The following SLC25A33 variants were observed in gnomAD, a reference collection of about 807,000 sequenced individuals.
The protein encoded by SLC25A33 is solute carrier family 25 member 33, also known as bone marrow stromal cell mitochondrial carrier protein.
SLC25A33 carries 15 observed loss-of-function variants against 35.5 expected under a neutral mutation model. The ratio of observed to expected loss-of-function variants is 0.42; its 90% CI spans 0.28 to 0.65. SLC25A33 has a LOEUF of 0.65. SLC25A33 is among the 30% of genes least tolerant of loss of function. The pLI, the probability that SLC25A33 is intolerant of heterozygous loss-of-function variation, is 0.20. For synonymous variants in SLC25A33, 136 were observed against 148.7 expected, an observed-to-expected ratio of 0.91 and a Z score of 0.62; for missense variants, 257 against 398.5, an observed-to-expected ratio of 0.64 and a Z score of 3.02.
chr1:9,551,120 C>T (rs755551620), intron 1 of SLC25A33, among the ~76,000 whole-genome samples: 2 of 152,068 alleles, frequency 1.3e-5, no homozygotes, highest in Admixed American at 6.6e-5. Context: ...GCGTGGCTCA[C>T]GCCTGTAATC....
At chr1:9,545,895 G>A (rs79315781) in intron 1 of SLC25A33, among the ~76,000 whole-genome samples, 22,472 of 151,168 alleles carry the variant, frequency 0.15, 1,767 homozygotes, top group East Asian at 0.28. Flanking sequence ...CCCGGGAGGC[G>A]GAGCTTGCAG....
At chr1:9,551,190 C>T (rs1643262427) in intron 1 of SLC25A33, among the ~76,000 whole-genome samples, 1 of 151,852 alleles carries the variant, frequency 6.6e-6, no homozygotes, top group Non-Finnish European at 1.5e-5. Flanking sequence ...GAAGACCAGC[C>T]TGGCCAACAT....
At chr1:9,564,348 A>G (rs555210603) in intron 2 of SLC25A33, among the ~76,000 whole-genome samples, 4 of 152,290 alleles carry the variant, frequency 2.6e-5, no homozygotes, top group South Asian at 2.1e-4. Context: ...TGTAACCACT[A>G]TAGAAAACAG....
rs1432159059 is a variant in SLC25A33, at chr1:9,539,495, C to G, written c.-197C>G. On this transcript the variant is annotated 5_prime_UTR_variant, in exon 1 of 7. Coordinates refer to ENST00000302692, the MANE Select transcript of SLC25A33 (RefSeq NM_032315.3). Reference sequence around the variant, plus strand: ...CCCGCCGGGCTCGCGCCGCAGAGGCCGGTGAGGCGCCGGCGGCCACGCCGC... The same window carrying G: ...CCCGCCGGGCTCGCGCCGCAGAGGCGGGTGAGGCGCCGGCGGCCACGCCGC... The G allele has an allele frequency of 1.8e-5, 4 of 219,022 alleles. No individual in the cohort carries two copies. Among genetic ancestry groups the G allele is most frequent in the African/African-American group, 4.7e-5 (2 of 42,806 alleles). The allele number at this position is 219,022 out of a possible 1,614,324, so 13.6% of individuals were successfully genotyped here.
chr1:9,540,979 A>G (rs1281648317), intron 1 of SLC25A33, among the ~76,000 whole-genome samples: 1 of 151,046 alleles, frequency 6.6e-6, no homozygotes, highest in East Asian at 1.9e-4. Context: ...GTCTCCATTG[A>G]GACTTCCTTT....
intron 2 of SLC25A33, among the ~76,000 whole-genome samples, chr1:9,558,245 G>A (rs1013482422): frequency 1.3e-5 from 2 of 152,180 alleles, no homozygotes; most frequent in Non-Finnish European, 2.9e-5. Flanking sequence ...GCTTCTCCGC[G>A]AAGGCAGCAG....
At chr1:9,581,763 C>T (rs1569883927) in intron 6 of SLC25A33, among the ~76,000 whole-genome samples, 1 of 151,048 alleles carries the variant, frequency 6.6e-6, no homozygotes, top group Non-Finnish European at 1.5e-5. Flanking sequence ...TTTGTACTTT[C>T]GTGTATGTGT....
intron 3 of SLC25A33, among the ~76,000 whole-genome samples, chr1:9,569,525 G>A (rs1287320958): frequency 6.6e-6 from 1 of 152,116 alleles, no homozygotes; most frequent in East Asian, 1.9e-4. Flanking sequence ...TCACCCATTA[G>A]GGGAAATGGA....
rs2100415576 is a variant in SLC25A33, at chr1:9,580,254, T to C, written c.763+20T>C. On this transcript the variant is annotated intron_variant, in intron 6 of 6. Transcript: ENST00000302692. ...CACACGGTATGTTTTGCTTTTGTTC[T>C]TCCAGAGCAGTAAAACAGCTGTCAC... 6.2e-7 allele frequency: 1 copy of C among 1,605,950 alleles called. No homozygotes were observed. The highest frequency in any genetic ancestry group is 1.1e-5 in the South Asian group (1 of 89,814).
chr1:9,557,752 C>T (rs1643366895), intron 2 of SLC25A33, among the ~76,000 whole-genome samples: 1 of 152,110 alleles, frequency 6.6e-6, no homozygotes, highest in Admixed American at 6.5e-5. Context: ...TAATAAAATG[C>T]AGGTGCTCTA....
At chr1:9,564,465 C>T (rs1643470677) in intron 2 of SLC25A33, among the ~76,000 whole-genome samples, 3 of 152,042 alleles carry the variant, frequency 2.0e-5, no homozygotes, top group Admixed American at 6.6e-5. Flanking sequence ...AATATTTGTA[C>T]ACCCATGTTT....
chr1:9,550,012 T>TATATATATATA (rs55887722), intron 1 of SLC25A33, among the ~76,000 whole-genome samples: 26 of 33,826 alleles, frequency 7.7e-4, no homozygotes, highest in African/African-American at 1.9e-3. Flanking sequence ...TATATATATA[T>TATATATATATA]TTTTTTTTTT....
chr1:9,564,156 A>T (rs1407229584), intron 2 of SLC25A33, among the ~76,000 whole-genome samples: 1 of 152,232 alleles, frequency 6.6e-6, no homozygotes, highest in African/African-American at 2.4e-5. Flanking sequence ...AATTTAACCA[A>T]CGTGAATAAC....
intron 3 of SLC25A33, 111 bp from the exon 4 acceptor site, chr1:9,570,147 C>A: frequency 1.1e-6 from 1 of 881,382 alleles, no homozygotes; most frequent in Non-Finnish European, 1.8e-6. Context: ...CTTTTTAGTA[C>A]ATGGCAGCAT....
chr1:9,540,872 T>C (rs1286157864), intron 1 of SLC25A33, among the ~76,000 whole-genome samples: 1 of 152,218 alleles, frequency 6.6e-6, no homozygotes, highest in Non-Finnish European at 1.5e-5. Context: ...GTCACCAGGT[T>C]ACTTTAACCA....
intron 2 of SLC25A33, 103 bp from the exon 3 acceptor site, chr1:9,567,181 A>T: frequency 1.0e-6 from 1 of 960,528 alleles, no homozygotes; most frequent in Non-Finnish European, 1.6e-6. Flanking sequence ...CATCTCTCAA[A>T]CATTTTATTC....
In SLC25A33 at chr1:9,573,517, C is replaced by T. The variant is rs574138982; in HGVS notation, c.482+105C>T. 5.5e-5 allele frequency: 50 copies of T among 905,390 alleles called. No homozygotes were observed. The African/African-American group carries it at 5.7e-4, about 10-fold the overall frequency. The allele number at this position is 905,390 out of a possible 1,614,324, so 56.1% of individuals were successfully genotyped here. On this transcript the variant is annotated intron_variant, in intron 5 of 6. Transcript: ENST00000302692. ...AGGATGAGATATAGAGATGTACCCCCCTCCTCGTTTCCTTAATCTAAGTGC... is the reference window on the plus strand; with the variant it reads ...AGGATGAGATATAGAGATGTACCCCTCTCCTCGTTTCCTTAATCTAAGTGC...
Position 9,551,738 on chromosome 1 carries a change from T to C in SLC25A33, c.57-1888T>C, listed in dbSNP as rs369668692. Among the ~76,000 whole-genome samples, 44 of 152,314 alleles carry C rather than the reference T, an allele frequency of 2.9e-4. 1 individual carries two copies. In the East Asian group the frequency reaches 7.5e-3, roughly 26 times the overall value. Reference sequence around the variant, plus strand: ...TTAGAAACCTTGGAAGACATTTTCGTTGAAATCTCAATTGAATAATTCCTT... The same window carrying C: ...TTAGAAACCTTGGAAGACATTTTCGCTGAAATCTCAATTGAATAATTCCTT... On this transcript the variant is annotated intron_variant, in intron 1 of 6. Coordinates refer to ENST00000302692, the MANE Select transcript of SLC25A33 (RefSeq NM_032315.3).
intron 1 of SLC25A33, among the ~76,000 whole-genome samples, chr1:9,547,986 G>C (rs1431276759): frequency 6.6e-6 from 1 of 151,934 alleles, no homozygotes; most frequent in Non-Finnish European, 1.5e-5. Context: ...GGGGTAGCTG[G>C]GTGGCTGAGA....
Sources: allele counts gnomAD v4.1 joint callset (sites outside exome capture counted in the v4.1 genomes callset), GRCh38; gene constraint gnomAD v4.1.1; transcripts MANE v1.5; gene names NCBI Gene and HGNC (gene_info 2026-07-23, HGNC 2026-07-21).